HMGA2: variants seen among roughly 807,000 people sequenced by gnomAD.
The protein encoded by HMGA2 is high mobility group AT-hook 2, also known as high mobility group protein HMGI-C.
Under a neutral mutation model 19.1 loss-of-function variants are expected in HMGA2, and 8 were observed. That is an observed-to-expected ratio of 0.42 (90% CI 0.25 to 0.76). HMGA2 has a LOEUF of 0.76. HMGA2 is among the 30% of genes least tolerant of loss of function. The probability of loss-of-function intolerance (pLI) is 0.28; values close to 1 mark genes in which losing one functional copy is unlikely to be tolerated. For synonymous variants in HMGA2, 60 were observed against 48.8 expected (o/e 1.23, Z -0.96); for missense variants, 109 against 136.3 (o/e 0.80, Z 1.00).
intron 3 of HMGA2, among the ~76,000 whole-genome samples, chr12:65,930,624 GT>G (rs1875676244): frequency 6.6e-6 from 1 of 152,200 alleles, no homozygotes; most frequent in South Asian, 2.1e-4. Flanking sequence ...GAAGCAGGCT[GT>G]CATTTCCTCC....
intron 3 of HMGA2, among the ~76,000 whole-genome samples, chr12:65,841,931 C>T (rs938207461): frequency 2.6e-5 from 4 of 151,840 alleles, no homozygotes; most frequent in South Asian, 2.1e-4. Flanking sequence ...AGTGATCTAA[C>T]GAGTGTGTTA....
At chr12:65,926,455 G>A (rs920308184) in intron 3 of HMGA2, among the ~76,000 whole-genome samples, 1 of 152,222 alleles carries the variant, frequency 6.6e-6, no homozygotes, top group African/African-American at 2.4e-5. Context: ...AGGCAGAGGA[G>A]AGGCTTTCAA....
intron 3 of HMGA2, chr12:65,876,865 C>G (rs1163166460): frequency 6.6e-6 from 1 of 152,396 alleles, no homozygotes; most frequent in African/African-American, 2.4e-5. Flanking sequence ...AGGAACAGAA[C>G]TTGTCTTACC....
chr12:65,895,578 G>A (rs1874092453), intron 3 of HMGA2, among the ~76,000 whole-genome samples: 1 of 152,100 alleles, frequency 6.6e-6, no homozygotes, highest in Non-Finnish European at 1.5e-5. Context: ...GTAGACCCCG[G>A]CTCTTGTATA....
intron 4 of HMGA2, chr12:65,957,386 T>C (rs867592473): frequency 3.9e-5 from 6 of 152,290 alleles, no homozygotes; most frequent in Middle Eastern, 3.4e-3. Context: ...ATGCCTGTTA[T>C]CCCAGCACTT....
chr12:65,912,423 G>A (rs778344903), intron 3 of HMGA2, among the ~76,000 whole-genome samples: 1 of 152,056 alleles, frequency 6.6e-6, no homozygotes, highest in Admixed American at 6.5e-5. Context: ...TCTTCATGGT[G>A]GGCCTCAGCA....
intron 3 of HMGA2, among the ~76,000 whole-genome samples, chr12:65,906,426 T>A (rs1224380100): frequency 6.6e-6 from 1 of 152,190 alleles, no homozygotes; most frequent in African/African-American, 2.4e-5. Flanking sequence ...GGGTCCACAG[T>A]AGCCCAGCAA....
chr12:65,931,243 T>C (rs1207909410), intron 3 of HMGA2, among the ~76,000 whole-genome samples: 2 of 152,174 alleles, frequency 1.3e-5, no homozygotes, highest in African/African-American at 4.8e-5. Flanking sequence ...ACTGGGTCTT[T>C]ATATTCTTTT....
chr12:65,921,619 G>GA (rs1160043163), intron 3 of HMGA2, among the ~76,000 whole-genome samples: 3 of 152,072 alleles, frequency 2.0e-5, no homozygotes, highest in Non-Finnish European at 4.4e-5. Flanking sequence ...TGATAGAAAA[G>GA]AAAAAAATCT....
At chr12:65,947,053 T>C (rs954060078) in intron 3 of HMGA2, among the ~76,000 whole-genome samples, 2 of 152,116 alleles carry the variant, frequency 1.3e-5, no homozygotes, top group African/African-American at 2.4e-5. Context: ...CTGAAATCCA[T>C]GTGGTTAGAA....
chr12:65,865,417 T>A (rs1489558444), intron 3 of HMGA2, among the ~76,000 whole-genome samples: 2 of 152,272 alleles, frequency 1.3e-5, no homozygotes, highest in Non-Finnish European at 2.9e-5. Flanking sequence ...TGAAAGTACT[T>A]AGTAATAATT....
At chr12:65,949,619 A>G (rs1876387558) in intron 3 of HMGA2, among the ~76,000 whole-genome samples, 1 of 152,226 alleles carries the variant, frequency 6.6e-6, no homozygotes, top group Admixed American at 6.5e-5. Context: ...CAAAGAAATA[A>G]GAAGTATTCT....
At chr12:65,894,970 C>G (rs1453840097) in intron 3 of HMGA2, among the ~76,000 whole-genome samples, 4 of 152,116 alleles carry the variant, frequency 2.6e-5, no homozygotes, top group Non-Finnish European at 5.9e-5. Flanking sequence ...AAATAGCACC[C>G]TAATACAGCT....
intron 3 of HMGA2, among the ~76,000 whole-genome samples, chr12:65,906,856 A>G (rs1320167066): frequency 6.6e-6 from 1 of 152,208 alleles, no homozygotes; most frequent in Non-Finnish European, 1.5e-5. Context: ...TGCTTATAAG[A>G]TATTACAAGT....
intron 3 of HMGA2, among the ~76,000 whole-genome samples, chr12:65,862,604 A>G (rs1872161338): frequency 6.6e-6 from 1 of 152,262 alleles, no homozygotes; most frequent in South Asian, 2.1e-4. Context: ...AGTGTTAAGC[A>G]TCAAGGATTA....
intron 3 of HMGA2, among the ~76,000 whole-genome samples, chr12:65,911,388 A>C (rs1219086358): frequency 6.6e-6 from 1 of 152,214 alleles, no homozygotes; most frequent in Non-Finnish European, 1.5e-5. Flanking sequence ...TGAGAGGATC[A>C]GCCTTCTAAA....
At chr12:65,827,029 C>A (rs111788190) in intron 1 of HMGA2, 1 of 152,122 alleles carries the variant, frequency 6.6e-6, no homozygotes, top group Non-Finnish European at 1.5e-5. Flanking sequence ...CACTTAATCA[C>A]CGAATCTGAA....
intron 3 of HMGA2, among the ~76,000 whole-genome samples, chr12:65,914,494 G>A (rs1224134159): frequency 8.2e-6 from 1 of 121,286 alleles, no homozygotes; most frequent in African/African-American, 3.2e-5. Context: ...GGACTGTTGT[G>A]GGGTGGGGGG....
At chr12:65,914,405 A>G (rs1874983539) in intron 3 of HMGA2, among the ~76,000 whole-genome samples, 1 of 149,410 alleles carries the variant, frequency 6.7e-6, no homozygotes, top group Non-Finnish European at 1.5e-5. Flanking sequence ...AAAAAACCAA[A>G]CACCGCATAT....
Sources: gnomAD v4.1 joint callset for allele counts (sites outside exome capture counted in the v4.1 genomes callset) on GRCh38, gnomAD v4.1.1 for gene constraint, MANE v1.5 for transcripts, NCBI Gene and HGNC (gene_info 2026-07-23, HGNC 2026-07-21) for gene names.